IGSF5: variants seen among roughly 807,000 people sequenced by gnomAD.
IGSF5 encodes the protein immunoglobulin superfamily 5 like.
Under a neutral mutation model 39.4 loss-of-function variants are expected in IGSF5, and 41 were observed. The ratio of observed to expected loss-of-function variants is 1.04; its 90% CI spans 0.81 to 1.35. The LOEUF is 1.35. IGSF5 is among the 40% of genes most tolerant of loss of function. The pLI, the probability that IGSF5 is intolerant of heterozygous loss-of-function variation, is 0.00. For synonymous variants in IGSF5, 183 were observed against 175.3 expected, an observed-to-expected ratio of 1.04 and a Z score of -0.34; for missense variants, 487 against 494.6, an observed-to-expected ratio of 0.98 and a Z score of 0.15.
intron 5 of IGSF5, among the ~76,000 whole-genome samples, chr21:39,781,715 A>G (rs184084303): frequency 1.2e-3 from 176 of 152,320 alleles, no homozygotes; most frequent in African/African-American, 3.7e-3. Context: ...TTTTGATTCT[A>G]TCTTATTATA....
chr21:39,778,404 C>T (rs1039268881), intron 4 of IGSF5, among the ~76,000 whole-genome samples: 3 of 152,196 alleles, frequency 2.0e-5, no homozygotes, highest in African/African-American at 7.2e-5. Flanking sequence ...CTCCCTACCT[C>T]CCTCTTGCTT....
chr21:39,745,444 G>A lies in IGSF5; in HGVS notation c.-66G>A. The stretch of plus-strand genomic sequence containing the variant: ...TAGGAGGCAGGGATCAGAGGAAGTA[G>A]ATTCAGAGGTAAGGAGAATTTTGGG... On this transcript the variant is annotated 5_prime_UTR_variant, in exon 1 of 9. Coordinates refer to ENST00000380588, the MANE Select transcript of IGSF5 (RefSeq NM_001080444.2). 2.8e-6 allele frequency: 2 copies of A among 705,668 alleles called. No homozygotes were observed. The highest frequency in any genetic ancestry group is 5.2e-6 in the Non-Finnish European group (2 of 382,990). 43.7% of individuals were successfully genotyped at this position (705,668 alleles called of 1,614,324 possible).
At chr21:39,764,100 G>A (rs1348482661) in intron 2 of IGSF5, among the ~76,000 whole-genome samples, 1 of 151,996 alleles carries the variant, frequency 6.6e-6, no homozygotes, top group Non-Finnish European at 1.5e-5. Context: ...TGCCTCTCCC[G>A]GGACCTAAAG....
intron 2 of IGSF5, among the ~76,000 whole-genome samples, chr21:39,763,780 C>T (rs2080072347): frequency 6.6e-6 from 1 of 152,118 alleles, no homozygotes; most frequent in Non-Finnish European, 1.5e-5. Context: ...ACCCTCGGGG[C>T]GCAGACTCGG....
chr21:39,779,223 A>C lies in IGSF5; in HGVS notation c.852A>C (p.Thr284=). The C allele has an allele frequency of 6.2e-7, 1 of 1,613,744 alleles. No individual in the cohort carries two copies. The highest frequency in any genetic ancestry group is 8.5e-7 in the Non-Finnish European group (1 of 1,179,674). The part of the protein sequence containing the change: ...TMLLTPTCTL[T]IRCCCCRRRC... Reference sequence around the variant, plus strand: ...TTCTGACGCCGACGTGTACTCTTACAATACGCTGCTGCTGCTGCCGCCGTC... The same window carrying C: ...TTCTGACGCCGACGTGTACTCTTACCATACGCTGCTGCTGCTGCCGCCGTC... Residue 284 remains threonine (T), a synonymous_variant, in exon 5 of 9, where the codon ACA becomes ACC. Transcript: ENST00000380588.
rs1209983296 is a variant in IGSF5, at chr21:39,745,428, G to A, written c.-82G>A. ...CTGAACCATTAGTACCTAGGAGGCA[G>A]GGATCAGAGGAAGTAGATTCAGAGG... is the stretch of plus-strand genomic sequence containing the variant. On this transcript the variant is annotated 5_prime_UTR_variant, in exon 1 of 9. Coordinates refer to ENST00000380588, the MANE Select transcript of IGSF5 (RefSeq NM_001080444.2). The A allele has an allele frequency of 1.4e-6, 1 of 695,840 alleles. No individual in the cohort carries two copies. The highest frequency in any genetic ancestry group is 1.8e-5 in the African/African-American group (1 of 56,922). The allele number at this position is 695,840 out of a possible 1,614,324, so 43.1% of individuals were successfully genotyped here.
At chr21:39,729,469 G>A in the IGSF5 span, 1 of 152,346 alleles carries the variant, frequency 6.6e-6, no homozygotes, top group African/African-American at 2.4e-5. Context: ...GGGCATGGCA[G>A]CTGGTGCTCA....
intron 5 of IGSF5, among the ~76,000 whole-genome samples, chr21:39,787,558 T>TA (rs2086930383): frequency 6.6e-6 from 1 of 150,844 alleles, no homozygotes; most frequent in Non-Finnish European, 1.5e-5. Context: ...CAGTGTTTTT[T>TA]TTTTTTTTTT....
At chr21:39,749,701 C>A (rs1432773998) in intron 2 of IGSF5, among the ~76,000 whole-genome samples, 8 of 152,208 alleles carry the variant, frequency 5.3e-5, no homozygotes, top group Non-Finnish European at 5.9e-5. Flanking sequence ...AAAGGTGGGA[C>A]AATTCCAAGT....
At chr21:39,761,835 T>C (rs1380978284) in intron 2 of IGSF5, among the ~76,000 whole-genome samples, 1 of 152,118 alleles carries the variant, frequency 6.6e-6, no homozygotes, top group Non-Finnish European at 1.5e-5. Flanking sequence ...CACACGGCTA[T>C]TTTTAATTTT....
the IGSF5 span, among the ~76,000 whole-genome samples, chr21:39,719,146 T>C: frequency 6.6e-6 from 1 of 152,184 alleles, no homozygotes; most frequent in Non-Finnish European, 1.5e-5. Context: ...AGAGGTCAAA[T>C]GAAAATTTCT....
At chr21:39,753,386 G>A (rs2080014843) in intron 2 of IGSF5, among the ~76,000 whole-genome samples, 1 of 152,124 alleles carries the variant, frequency 6.6e-6, no homozygotes, top group Non-Finnish European at 1.5e-5. Flanking sequence ...AGCTGTTTTG[G>A]TAAGTATAGC....
chr21:39,792,794 A>G (rs916175053), intron 7 of IGSF5, among the ~76,000 whole-genome samples: 4 of 152,168 alleles, frequency 2.6e-5, no homozygotes, highest in African/African-American at 9.6e-5. Flanking sequence ...CTCTAAGACA[A>G]CATCACCAGG....
At chr21:39,724,112 TAAAATAAA>T in the IGSF5 span, among the ~76,000 whole-genome samples, 1 of 151,020 alleles carries the variant, frequency 6.6e-6, no homozygotes, top group Non-Finnish European at 1.5e-5. Context: ...TAAAATAAAA[TAAAATAAA>T]ATAAAATAAA....
At position 39,801,949 on chromosome 21, in the gene IGSF5, C is replaced by A. The variant is rs1172900381; in HGVS notation, c.*592C>A. 1 of 152,344 alleles carries A rather than the reference C, an allele frequency of 6.6e-6. No individual in the cohort carries two copies. The highest frequency in any genetic ancestry group is 1.5e-5 in the Non-Finnish European group (1 of 68,232). The allele number at this position is 152,344 out of a possible 1,614,324, so 9.4% of individuals were successfully genotyped here. On this transcript the variant is annotated 3_prime_UTR_variant, in exon 9 of 9. Coordinates refer to ENST00000380588, the MANE Select transcript of IGSF5 (RefSeq NM_001080444.2). ...ATTTTTATCTGCCCCTTTATCAGAC[C>A]TATTTGCATCTCCTCAAATGAATTA...
upstream of IGSF5, among the ~76,000 whole-genome samples, chr21:39,741,473 T>C (rs1169182147): frequency 6.6e-6 from 1 of 152,198 alleles, no homozygotes; most frequent in Non-Finnish European, 1.5e-5. Context: ...GCTGAGCCTT[T>C]GGTTTGGAAA....
At chr21:39,791,846 C>A in intron 6 of IGSF5, 162 bp from the exon 7 acceptor site, 1 of 584,020 alleles carries the variant, frequency 1.7e-6, no homozygotes. Flanking sequence ...GGCGTGCATA[C>A]CTGCAACGCA....
chr21:39,728,518 A>T, the IGSF5 span, among the ~76,000 whole-genome samples: 1 of 152,138 alleles, frequency 6.6e-6, no homozygotes, highest in Non-Finnish European at 1.5e-5. Flanking sequence ...ACCTCCAGAA[A>T]TGTGAGAGAA....
chr21:39,721,234 A>G, the IGSF5 span, among the ~76,000 whole-genome samples: 48 of 152,198 alleles, frequency 3.2e-4, no homozygotes, highest in African/African-American at 9.4e-4. Context: ...TCTTGGCAAT[A>G]TCGTGAGATC....
Sources: gnomAD v4.1 joint callset for allele counts (sites outside exome capture counted in the v4.1 genomes callset) on GRCh38, gnomAD v4.1.1 for gene constraint, MANE v1.5 for transcripts, NCBI Gene and HGNC (gene_info 2026-07-23, HGNC 2026-07-21) for gene names.